The following WDR70 variants were observed in gnomAD, a reference collection of about 807,000 sequenced individuals.
WDR70 encodes the protein WD repeat-containing protein 70.
In WDR70, 53 loss-of-function variants were observed where a neutral mutation model predicts 88.6. The ratio of observed to expected loss-of-function variants is 0.60; its 90% CI spans 0.48 to 0.75. The LOEUF (loss-of-function observed/expected upper bound fraction) is 0.75, where lower values mean the gene tolerates loss of function less well. WDR70 is among the 30% of genes least tolerant of loss of function. The pLI, the probability that WDR70 is intolerant of heterozygous loss-of-function variation, is 0.00. For missense variants in WDR70, 610 were observed against 823.2 expected (o/e 0.74, Z 3.17); for synonymous variants, 280 against 270.0 (o/e 1.04, Z -0.36).
At chr5:37,388,478 C>T (rs1272384021) in intron 3 of WDR70, among the ~76,000 whole-genome samples, 2 of 140,662 alleles carry the variant, frequency 1.4e-5, no homozygotes, top group Non-Finnish European at 3.0e-5. Flanking sequence ...TGGCTCATGT[C>T]TGTAATCCTA....
chr5:37,518,681 T>C (rs1032752917), intron 9 of WDR70, among the ~76,000 whole-genome samples: 6 of 51,732 alleles, frequency 1.2e-4, no homozygotes, highest in African/African-American at 1.7e-4. Flanking sequence ...CACAGATATC[T>C]TTTTTTTTTT....
intron 2 of WDR70, 149 bp downstream of exon 2, chr5:37,379,703 T>G: frequency 4.6e-6 from 4 of 872,134 alleles, no homozygotes; most frequent in Non-Finnish European, 7.4e-6. Flanking sequence ...CCCATTTGTC[T>G]TCTATTCTGC....
At chr5:37,722,736 A>G in intron 14 of WDR70, 119 bp from the exon 15 acceptor site, 1 of 849,904 alleles carries the variant, frequency 1.2e-6, no homozygotes, top group African/African-American at 1.7e-5. Context: ...AAAGTCAAGT[A>G]CTTGTGTAGA....
chr5:37,534,691 C>G (rs1276279218), intron 9 of WDR70, among the ~76,000 whole-genome samples: 1 of 151,944 alleles, frequency 6.6e-6, no homozygotes, highest in East Asian at 1.9e-4. Context: ...AGAGTCTAGG[C>G]TGGTCTCGAA....
intron 8 of WDR70, among the ~76,000 whole-genome samples, chr5:37,499,115 A>G (rs10805626): frequency 6.6e-6 from 1 of 150,558 alleles, no homozygotes; most frequent in Non-Finnish European, 1.5e-5. Context: ...CATGTTTGTC[A>G]TTCTTTTTTT....
intron 9 of WDR70, among the ~76,000 whole-genome samples, chr5:37,560,656 A>G (rs917996801): frequency 2.0e-5 from 3 of 152,138 alleles, no homozygotes; most frequent in East Asian, 1.9e-4. Context: ...ATATGCTTCA[A>G]TAGTTCTTTA....
chr5:37,527,239 A>G (rs965544592), intron 9 of WDR70, among the ~76,000 whole-genome samples: 15 of 152,332 alleles, frequency 9.8e-5, no homozygotes, highest in Admixed American at 4.6e-4. Flanking sequence ...ACTATACTAC[A>G]AGGCCACAGT....
chr5:37,424,574 T>C (rs1221567570), intron 5 of WDR70, among the ~76,000 whole-genome samples: 1 of 151,710 alleles, frequency 6.6e-6, no homozygotes, highest in Non-Finnish European at 1.5e-5. Flanking sequence ...CCGGCTAATT[T>C]TTTTATTTTC....
At chr5:37,476,004 C>T (rs916861887) in intron 7 of WDR70, among the ~76,000 whole-genome samples, 1 of 151,878 alleles carries the variant, frequency 6.6e-6, no homozygotes, top group African/African-American at 2.4e-5. Context: ...CACCACCATG[C>T]CCAGCTATGT....
intron 9 of WDR70, among the ~76,000 whole-genome samples, chr5:37,517,191 A>G (rs1255393430): frequency 6.6e-6 from 1 of 152,220 alleles, no homozygotes; most frequent in African/African-American, 2.4e-5. Context: ...GTGACTAATT[A>G]TTACTTTGTA....
intron 10 of WDR70, among the ~76,000 whole-genome samples, chr5:37,608,803 C>G (rs906759628): frequency 3.9e-5 from 6 of 152,118 alleles, no homozygotes; most frequent in Non-Finnish European, 7.4e-5. Context: ...AAGCAGTCTC[C>G]CCACCTCAGC....
At chr5:37,599,868 G>C (rs1428229890) in intron 9 of WDR70, among the ~76,000 whole-genome samples, 1 of 151,012 alleles carries the variant, frequency 6.6e-6, no homozygotes, top group African/African-American at 2.4e-5. Context: ...ACTCTAGCCT[G>C]GGCCACCGAG....
At chr5:37,582,169 T>C (rs1001752269) in intron 9 of WDR70, among the ~76,000 whole-genome samples, 1 of 152,194 alleles carries the variant, frequency 6.6e-6, no homozygotes, top group African/African-American at 2.4e-5. Flanking sequence ...GGGTCATTTT[T>C]AGAATGGGTC....
chr5:37,540,371 TA>T (rs1330070078), intron 9 of WDR70, among the ~76,000 whole-genome samples: 1 of 152,200 alleles, frequency 6.6e-6, no homozygotes, highest in Non-Finnish European at 1.5e-5. Context: ...CATTTTCTAC[TA>T]ACATTGTTCT....
At chr5:37,659,904 T>G (rs373294581) in intron 10 of WDR70, among the ~76,000 whole-genome samples, 1 of 152,208 alleles carries the variant, frequency 6.6e-6, no homozygotes, top group Non-Finnish European at 1.5e-5. Context: ...CTTCAACATA[T>G]GAATTTTGGG....
At chr5:37,402,877 G>C (rs983794516) in intron 5 of WDR70, among the ~76,000 whole-genome samples, 11 of 149,318 alleles carry the variant, frequency 7.4e-5, no homozygotes, top group African/African-American at 2.7e-4. Context: ...CTACAGGTAA[G>C]AGCATGTAAA....
At chr5:37,607,575 G>T (rs1350629141) in intron 10 of WDR70, among the ~76,000 whole-genome samples, 1 of 152,016 alleles carries the variant, frequency 6.6e-6, no homozygotes, top group African/African-American at 2.4e-5. Flanking sequence ...TGGTCAATAT[G>T]CTAGCCACTA....
intron 10 of WDR70, among the ~76,000 whole-genome samples, chr5:37,642,415 A>G (rs1307708870): frequency 1.3e-5 from 2 of 152,152 alleles, no homozygotes; most frequent in Non-Finnish European, 2.9e-5. Flanking sequence ...TTTAATTTTC[A>G]TGGGTACATA....
chr5:37,619,398 G>A (rs1744441394), intron 10 of WDR70, among the ~76,000 whole-genome samples: 1 of 152,062 alleles, frequency 6.6e-6, no homozygotes. Context: ...TCTCTAAAAA[G>A]CCTATATAAG....
Sources: gnomAD v4.1 joint callset for allele counts (sites outside exome capture counted in the v4.1 genomes callset) on GRCh38, gnomAD v4.1.1 for gene constraint, MANE v1.5 for transcripts, NCBI Gene and HGNC (gene_info 2026-07-23, HGNC 2026-07-21) for gene names.